ERMP1: variants seen among roughly 807,000 people sequenced by gnomAD.
ERMP1 encodes the protein endoplasmic reticulum metallopeptidase 1, also known as Felix-ina.
In ERMP1, 86 loss-of-function variants were observed where a neutral mutation model predicts 92.0. The observed-to-expected ratio is 0.93, with a 90% confidence interval of 0.79 to 1.12. The LOEUF is 1.12. ERMP1 is among the 50% of genes most tolerant of loss of function. The probability of loss-of-function intolerance (pLI) is 0.00; values close to 1 mark genes in which losing one functional copy is unlikely to be tolerated. For missense variants in ERMP1, 1,342 were observed against 1,116.3 expected (o/e 1.20, Z -2.88); for synonymous variants, 530 against 412.8 (o/e 1.28, Z -3.44).
intron 6 of ERMP1, among the ~76,000 whole-genome samples, chr9:5,852,118 T>C (rs921825057): frequency 4.6e-5 from 7 of 152,266 alleles, no homozygotes; most frequent in Non-Finnish European, 8.8e-5. Flanking sequence ...ATTTCTGCAA[T>C]AAATAGGCTG....
At chr9:5,840,497 TCTTCTC>T (rs993368491) in intron 6 of ERMP1, among the ~76,000 whole-genome samples, 4 of 152,180 alleles carry the variant, frequency 2.6e-5, no homozygotes, top group African/African-American at 9.7e-5. Flanking sequence ...TGCACTGCCA[TCTTCTC>T]CCTCCCTACC....
chr9:5,843,261 C>A (rs1263404483), intron 6 of ERMP1, among the ~76,000 whole-genome samples: 2 of 152,300 alleles, frequency 1.3e-5, no homozygotes, highest in East Asian at 3.9e-4. Context: ...ATTTGGGGCT[C>A]AGCACAGCCA....
chr9:5,829,316 G>A (rs1459125768), intron 2 of ERMP1, among the ~76,000 whole-genome samples: 1 of 150,802 alleles, frequency 6.6e-6, no homozygotes, highest in Non-Finnish European at 1.5e-5. Context: ...ACTGATTTTT[G>A]AAAATGCAAG....
chr9:5,807,845 T>G (rs1247606842), intron 8 of ERMP1, among the ~76,000 whole-genome samples: 2 of 152,174 alleles, frequency 1.3e-5, no homozygotes, highest in Admixed American at 6.5e-5. Flanking sequence ...CCTATATTCT[T>G]ACAGCATAGT....
Position 5,832,649 on chromosome 9 carries a change from A to G in ERMP1, c.338+41T>C, listed in dbSNP as rs1829994921. The G allele has an allele frequency of 3.7e-6, 5 of 1,356,466 alleles. No individual in the cohort carries two copies. The South Asian group carries it at 8.4e-5, about 23-fold the overall frequency. The allele number at this position is 1,356,466 out of a possible 1,614,324, so 84.0% of individuals were successfully genotyped here. On this transcript the variant is annotated intron_variant, in intron 1 of 14. Coordinates refer to ENST00000339450, the MANE Select transcript of ERMP1 (RefSeq NM_024896.3). The stretch of plus-strand genomic sequence containing the variant: ...GCCCCGGAGCCTGCGCAGGAGCCGC[A>G]AACGGACGCGCGGGCCGTGCCAGGA...
At chr9:5,798,716 T>TA (rs1828547267) in intron 12 of ERMP1, 90 bp downstream of exon 12, 2 of 795,036 alleles carry the variant, frequency 2.5e-6, no homozygotes, top group Admixed American at 4.8e-5. Context: ...ACTTGTATAT[T>TA]AAAGGATGGC....
chr9:5,825,038 T>A, intron 3 of ERMP1, 54 bp downstream of exon 3: 1 of 1,544,680 alleles, frequency 6.5e-7, no homozygotes, highest in Non-Finnish European at 8.9e-7. Flanking sequence ...ATTTAGCTAT[T>A]ATTATTAATC....
At chr9:5,831,118 A>C (rs1007259522) in intron 1 of ERMP1, 90 bp from the exon 2 acceptor site, 1 of 984,310 alleles carries the variant, frequency 1.0e-6, no homozygotes, top group Non-Finnish European at 1.5e-6. Context: ...CTTCCTCCCC[A>C]AAAAAGCTTA....
At chr9:5,866,428 C>T (rs115999546) in intron 5 of ERMP1, among the ~76,000 whole-genome samples, 1,863 of 152,256 alleles carry the variant, frequency 0.012, 30 homozygotes, top group African/African-American at 0.039. Context: ...AACAGAGCTG[C>T]TCCTCCACAC....
intron 6 of ERMP1, among the ~76,000 whole-genome samples, chr9:5,849,224 T>C (rs1222759074): frequency 1.3e-5 from 2 of 152,210 alleles, no homozygotes; most frequent in Non-Finnish European, 2.9e-5. Flanking sequence ...GGTTTCACCA[T>C]GTTGGCCAGG....
intron 6 of ERMP1, among the ~76,000 whole-genome samples, chr9:5,841,420 C>T (rs779405601): frequency 6.6e-6 from 1 of 152,166 alleles, no homozygotes; most frequent in Non-Finnish European, 1.5e-5. Context: ...AGGCAGAACA[C>T]AGGTTGGTGG....
intron 5 of ERMP1, among the ~76,000 whole-genome samples, chr9:5,861,195 G>GTGTGTGTA (rs1554630215): frequency 6.4e-4 from 69 of 107,974 alleles, no homozygotes; most frequent in African/African-American, 1.4e-3. Context: ...GTGTGTGTGT[G>GTGTGTGTA]TGTGTGTGTG....
chr9:5,819,075 TA>T (rs1404038778), intron 4 of ERMP1, among the ~76,000 whole-genome samples: 1 of 152,208 alleles, frequency 6.6e-6, no homozygotes, highest in African/African-American at 2.4e-5. Flanking sequence ...CCTAGGTATC[TA>T]AAAGAAATGA....
At chr9:5,849,990 C>T (rs2129754167) in intron 6 of ERMP1, among the ~76,000 whole-genome samples, 1 of 152,246 alleles carries the variant, frequency 6.6e-6, no homozygotes, top group Non-Finnish European at 1.5e-5. Context: ...TCAATCGTGG[C>T]CTTGCAGTGT....
chr9:5,865,742 G>T (rs1056030575), intron 5 of ERMP1, among the ~76,000 whole-genome samples: 1 of 149,480 alleles, frequency 6.7e-6, no homozygotes, highest in Non-Finnish European at 1.5e-5. Flanking sequence ...GGAGGCTGAG[G>T]CATGAGAATC....
chr9:5,790,368 A>T (rs891315048), intron 13 of ERMP1, among the ~76,000 whole-genome samples: 2 of 152,098 alleles, frequency 1.3e-5, no homozygotes, highest in Non-Finnish European at 2.9e-5. Flanking sequence ...CACCTCATAG[A>T]AAAAAGGAAT....
At chr9:5,841,444 G>C (rs1462442143) in intron 6 of ERMP1, among the ~76,000 whole-genome samples, 1 of 152,190 alleles carries the variant, frequency 6.6e-6, no homozygotes, top group Non-Finnish European at 1.5e-5. Flanking sequence ...GAACGGACAG[G>C]GCAGAGGCGA....
intron 11 of ERMP1, among the ~76,000 whole-genome samples, chr9:5,800,132 C>A (rs1050988051): frequency 6.6e-6 from 1 of 152,102 alleles, no homozygotes; most frequent in Non-Finnish European, 1.5e-5. Flanking sequence ...GAAGCAGGAT[C>A]TTTCACTTAC....
At chr9:5,854,620 C>G (rs555039761) in intron 6 of ERMP1, among the ~76,000 whole-genome samples, 18 of 152,286 alleles carry the variant, frequency 1.2e-4, no homozygotes, top group African/African-American at 4.3e-4. Context: ...TAACCTTCAC[C>G]TCCTGGTTTA....
Sources: gnomAD v4.1 joint callset for allele counts (sites outside exome capture counted in the v4.1 genomes callset) on GRCh38, gnomAD v4.1.1 for gene constraint, MANE v1.5 for transcripts, NCBI Gene and HGNC (gene_info 2026-07-23, HGNC 2026-07-21) for gene names.